SORCS3: variants seen among roughly 807,000 people sequenced by gnomAD.
SORCS3 encodes sortilin related VPS10 domain containing receptor 3.
In SORCS3, 57 loss-of-function variants were observed where a neutral mutation model predicts 146.3. The observed-to-expected ratio is 0.39, with a 90% CI of 0.31 to 0.49. The LOEUF is 0.49. Ranked by LOEUF, SORCS3 falls within the 20% of genes least tolerant of loss-of-function variation. The pLI, the probability that SORCS3 is intolerant of heterozygous loss-of-function variation, is 0.92. For missense variants in SORCS3, 1,341 were observed against 1,575.5 expected (o/e 0.85, Z 2.52); for synonymous variants, 653 against 618.5 (o/e 1.06, Z -0.83).
chr10:104,747,754 G>A (rs1393113185), intron 1 of SORCS3, among the ~76,000 whole-genome samples: 1 of 152,186 alleles, frequency 6.6e-6, no homozygotes, highest in Non-Finnish European at 1.5e-5. Flanking sequence ...GCATGTAGGA[G>A]GCATCAGTAG....
rs12251377 is a variant in SORCS3, at chr10:105,089,652, A to G, written c.1029-123A>G. 7.7e-3 allele frequency: 5,581 copies of G among 729,344 alleles called. 211 individuals carry two copies. The African/African-American group carries it at 0.086, about 11-fold the overall frequency. The allele number at this position is 729,344 out of a possible 1,614,324, so 45.2% of individuals were successfully genotyped here. A position where few individuals can be genotyped will look rare whatever the true frequency, so the allele number is the denominator to read the frequency against. On this transcript the variant is annotated intron_variant, in intron 5 of 26. Transcript: ENST00000369701. ...GTGGCCACATTCTGCTGGTTCCCAT[A>G]CTGCAGGATGGTCCTCTTTGAGAAA...
chr10:105,025,675 G>A (rs1207061894), intron 4 of SORCS3, among the ~76,000 whole-genome samples: 2 of 151,836 alleles, frequency 1.3e-5, no homozygotes, highest in East Asian at 1.9e-4. Context: ...TTTAATAGTC[G>A]CCTGTTTGGT....
intron 1 of SORCS3, among the ~76,000 whole-genome samples, chr10:104,741,412 G>T (rs1409199169): frequency 6.6e-6 from 1 of 152,070 alleles, no homozygotes; most frequent in Non-Finnish European, 1.5e-5. Context: ...AGGCCTCCAA[G>T]AACTGATGTG....
intron 5 of SORCS3, among the ~76,000 whole-genome samples, chr10:105,053,951 C>T (rs2055429605): frequency 1.3e-5 from 2 of 151,984 alleles, no homozygotes; most frequent in South Asian, 4.1e-4. Flanking sequence ...AGAGTTTACA[C>T]CTGTTTCCAC....
chr10:105,043,170 T>G (rs749571940), intron 5 of SORCS3, 42 bp downstream of exon 5: 1 of 1,554,828 alleles, frequency 6.4e-7, no homozygotes. Flanking sequence ...AGATAAAGAA[T>G]TATCAAACAG....
intron 6 of SORCS3, among the ~76,000 whole-genome samples, chr10:105,097,812 T>G (rs1272950652): frequency 6.6e-6 from 1 of 152,190 alleles, no homozygotes; most frequent in African/African-American, 2.4e-5. Context: ...CTCCTCTGCA[T>G]GAAATTCCCA....
chr10:105,211,333 A>G, intron 17 of SORCS3, 83 bp downstream of exon 17: 2 of 921,404 alleles, frequency 2.2e-6, no homozygotes, highest in Non-Finnish European at 3.5e-6. Context: ...TTGCTATTGA[A>G]TACAATGGAG....
chr10:105,221,479 T>C (rs2056702295), intron 19 of SORCS3, among the ~76,000 whole-genome samples: 1 of 152,226 alleles, frequency 6.6e-6, no homozygotes, highest in Non-Finnish European at 1.5e-5. Flanking sequence ...ATTCATATGT[T>C]CTTATTAATA....
intron 1 of SORCS3, among the ~76,000 whole-genome samples, chr10:104,671,596 TC>T (rs536208837): frequency 5.3e-5 from 8 of 151,880 alleles, no homozygotes; most frequent in Non-Finnish European, 1.0e-4. Flanking sequence ...CCTCAGGCTC[TC>T]AAAGTGCTGG....
chr10:104,831,744 G>C (rs1478545918), intron 1 of SORCS3, among the ~76,000 whole-genome samples: 1 of 152,186 alleles, frequency 6.6e-6, no homozygotes, highest in Non-Finnish European at 1.5e-5. Context: ...ATGTTCAAAA[G>C]ACCAGTGTAG....
intron 6 of SORCS3, among the ~76,000 whole-genome samples, chr10:105,102,490 GAC>G (rs902349578): frequency 6.6e-6 from 1 of 152,118 alleles, no homozygotes; most frequent in African/African-American, 2.4e-5. Context: ...AGTACATACA[GAC>G]ACAAAAAAGG....
In SORCS3 at chr10:104,803,101, ACAGAAATTTCTTTTAATGAAGTGACT is replaced by A. The variant is rs2017642415; in HGVS notation, c.628-39682_628-39657del. On this transcript the variant is annotated intron_variant, in intron 1 of 26. Coordinates refer to ENST00000369701, the MANE Select transcript of SORCS3 (RefSeq NM_014978.3). ...TTGTCACATGCATGCTGATAGGGAG[ACAGAAATTTCTTTTAATGAAGTGACT>A]CAGAAATTGCATGTGTCACTTTCAC... is the stretch of plus-strand genomic sequence containing the variant. Among the ~76,000 whole-genome samples, 33 of 152,300 alleles carry A rather than the reference ACAGAAATTTCTTTTAATGAAGTGACT, an allele frequency of 2.2e-4. 1 individual carries two copies. The South Asian group carries it at 6.4e-3, about 30-fold the overall frequency.
chr10:104,771,963 T>A (rs2017254602), intron 1 of SORCS3, among the ~76,000 whole-genome samples: 1 of 151,914 alleles, frequency 6.6e-6, no homozygotes, highest in Non-Finnish European at 1.5e-5. Flanking sequence ...CCTTGAAAGG[T>A]TTTTTGGGGA....
intron 2 of SORCS3, among the ~76,000 whole-genome samples, chr10:104,860,458 T>C (rs996479692): frequency 7.0e-6 from 1 of 143,212 alleles, no homozygotes; most frequent in Non-Finnish European, 1.5e-5. Context: ...TTAGGAGATA[T>C]ACCTAATGCT....
intron 18 of SORCS3, among the ~76,000 whole-genome samples, chr10:105,214,983 G>A (rs1202321258): frequency 6.6e-6 from 1 of 152,182 alleles, no homozygotes; most frequent in East Asian, 1.9e-4. Flanking sequence ...GCTTTTAGGA[G>A]CCTCTTTTGC....
intron 7 of SORCS3, among the ~76,000 whole-genome samples, chr10:105,114,003 G>A (rs1438138959): frequency 6.6e-6 from 1 of 152,146 alleles, no homozygotes; most frequent in Non-Finnish European, 1.5e-5. Context: ...TTATGGAGTA[G>A]CGTTTCTAGT....
chr10:105,086,971 A>G (rs2055665311), intron 5 of SORCS3, among the ~76,000 whole-genome samples: 1 of 152,106 alleles, frequency 6.6e-6, no homozygotes, highest in African/African-American at 2.4e-5. Context: ...TGTTTTAGTC[A>G]TGAAGTCTTT....
chr10:104,920,042 G>C (rs2019071749), intron 3 of SORCS3, among the ~76,000 whole-genome samples: 1 of 152,096 alleles, frequency 6.6e-6, no homozygotes, highest in South Asian at 2.1e-4. Context: ...TAAACTTATG[G>C]TAATATGGAT....
chr10:105,160,054 TCC>T (rs2056249142), intron 11 of SORCS3, among the ~76,000 whole-genome samples: 1 of 152,132 alleles, frequency 6.6e-6, no homozygotes, highest in African/African-American at 2.4e-5. Flanking sequence ...GGAGAAGTGA[TCC>T]TCACACTCTG....
Sources: gnomAD v4.1 joint callset for allele counts (sites outside exome capture counted in the v4.1 genomes callset) on GRCh38, gnomAD v4.1.1 for gene constraint, MANE v1.5 for transcripts, NCBI Gene and HGNC (gene_info 2026-07-23, HGNC 2026-07-21) for gene names.